RBFOX1: variants seen among roughly 807,000 people sequenced by gnomAD.
RBFOX1 encodes RNA binding fox-1 homolog 1.
Under a neutral mutation model 57.7 loss-of-function variants are expected in RBFOX1, and 8 were observed. The ratio of observed to expected loss-of-function variants is 0.14; its 90% CI spans 0.08 to 0.25. The LOEUF is 0.25. Ranked by LOEUF, RBFOX1 falls within the 10% of genes least tolerant of loss-of-function variation. The pLI is 1.00. For missense variants in RBFOX1, 611 were observed against 548.5 expected (o/e 1.11, Z -1.14); for synonymous variants, 326 against 222.4 (o/e 1.47, Z -4.15).
chr16:7,686,910 G>C (rs1013547300), intron 14 of RBFOX1, among the ~76,000 whole-genome samples: 1 of 152,076 alleles, frequency 6.6e-6, no homozygotes, highest in Non-Finnish European at 1.5e-5. Flanking sequence ...ACTTGGGTTT[G>C]AATTTCCAAA....
At chr16:6,283,475 A>G (rs2076600929) in intron 1 of RBFOX1, among the ~76,000 whole-genome samples, 1 of 152,170 alleles carries the variant, frequency 6.6e-6, no homozygotes, top group Non-Finnish European at 1.5e-5. Context: ...AAACATTAAC[A>G]ATCAGAGGCC....
At chr16:6,580,711 C>G (rs1389097068) in intron 2 of RBFOX1, among the ~76,000 whole-genome samples, 1 of 152,114 alleles carries the variant, frequency 6.6e-6, no homozygotes, top group East Asian at 1.9e-4. Flanking sequence ...CCTTACCTTT[C>G]TAGAGATGAG....
At chr16:7,243,264 C>T (rs920852440) in intron 4 of RBFOX1, among the ~76,000 whole-genome samples, 2 of 152,076 alleles carry the variant, frequency 1.3e-5, no homozygotes, top group African/African-American at 4.8e-5. Context: ...TTCTCCAAAC[C>T]AGCCTATAGG....
chr16:6,171,308 G>A (rs143116702), intron 1 of RBFOX1, among the ~76,000 whole-genome samples: 273 of 152,184 alleles, frequency 1.8e-3, no homozygotes, highest in Non-Finnish European at 3.3e-3. Context: ...TAGTCCAGCC[G>A]CACCACAACA....
In RBFOX1 at chr16:6,091,506, C is replaced by T. The variant is rs573050178; in HGVS notation, c.-127+71514C>T. 5.0e-3 allele frequency among the ~76,000 whole-genome samples: 736 copies of T among 146,596 alleles called. 3 individuals carry two copies. The highest frequency in any genetic ancestry group is 8.6e-3 in the Non-Finnish European group (579 of 67,440). ...ATTGTCACTTTATCCTTTCACTCCTCAACTGACTACATGGTAGGTATTCAA... is the reference window on the plus strand; with the variant it reads ...ATTGTCACTTTATCCTTTCACTCCTTAACTGACTACATGGTAGGTATTCAA... On this transcript the variant is annotated intron_variant, in intron 1 of 15. Transcript: ENST00000550418.
At chr16:7,452,150 C>G (rs1336523956) in intron 4 of RBFOX1, among the ~76,000 whole-genome samples, 1 of 152,190 alleles carries the variant, frequency 6.6e-6, no homozygotes, top group African/African-American at 2.4e-5. Flanking sequence ...ACTTTATGAT[C>G]CAGCCAAGTT....
intron 2 of RBFOX1, among the ~76,000 whole-genome samples, chr16:6,515,649 A>C (rs17540392): frequency 0.33 from 50,331 of 151,978 alleles, 8,997 homozygotes; most frequent in Non-Finnish European, 0.41. Context: ...CTTAAGTCTA[A>C]ATAATCTCTT....
intron 3 of RBFOX1, among the ~76,000 whole-genome samples, chr16:5,735,192 A>G (rs1029415468): frequency 6.6e-6 from 1 of 152,150 alleles, no homozygotes; most frequent in Admixed American, 6.5e-5. Flanking sequence ...CCACCTTTTA[A>G]TAGCATCCTT....
intron 2 of RBFOX1, among the ~76,000 whole-genome samples, chr16:6,627,887 A>G (rs990249260): frequency 4.6e-5 from 7 of 152,222 alleles, no homozygotes; most frequent in Non-Finnish European, 7.3e-5. Flanking sequence ...TAGACATCTT[A>G]TAAAATGGAG....
At chr16:6,959,049 C>T (rs1324131261) in intron 3 of RBFOX1, among the ~76,000 whole-genome samples, 1 of 152,024 alleles carries the variant, frequency 6.6e-6, no homozygotes, top group African/African-American at 2.4e-5. Flanking sequence ...AAAACTTCAC[C>T]ATCTAAGTAA....
chr16:7,042,856 G>A (rs375550328), intron 3 of RBFOX1, among the ~76,000 whole-genome samples: 1 of 152,188 alleles, frequency 6.6e-6, no homozygotes, highest in Non-Finnish European at 1.5e-5. Context: ...AACCTGGGAG[G>A]TGGAGGTTTC....
At chr16:6,873,102 C>G (rs962815203) in intron 3 of RBFOX1, among the ~76,000 whole-genome samples, 2 of 150,424 alleles carry the variant, frequency 1.3e-5, no homozygotes, top group African/African-American at 4.9e-5. Context: ...GTATTTCTTA[C>G]TTGAGAAACT....
intron 4 of RBFOX1, among the ~76,000 whole-genome samples, chr16:5,943,602 C>G (rs896874773): frequency 2.0e-5 from 3 of 152,096 alleles, no homozygotes; most frequent in African/African-American, 7.2e-5. Context: ...GTCAACTTGG[C>G]CAAGGTGCTT....
chr16:6,346,744 G>C (rs888855672), intron 2 of RBFOX1, among the ~76,000 whole-genome samples: 1 of 152,196 alleles, frequency 6.6e-6, no homozygotes, highest in African/African-American at 2.4e-5. Flanking sequence ...TATGATGTTG[G>C]AGCAGAGAGT....
At chr16:6,642,166 G>A (rs1010021500) in intron 2 of RBFOX1, among the ~76,000 whole-genome samples, 1 of 152,146 alleles carries the variant, frequency 6.6e-6, no homozygotes, top group South Asian at 2.1e-4. Context: ...ACAAACCCAG[G>A]CTTCCCAGGC....
chr16:6,249,448 C>T (rs907862375), intron 1 of RBFOX1, among the ~76,000 whole-genome samples: 21 of 152,038 alleles, frequency 1.4e-4, no homozygotes, highest in Non-Finnish European at 2.1e-4. Flanking sequence ...AGCTTGAACC[C>T]GGGAGGCAGA....
At chr16:7,535,691 A>G (rs1371675969) in intron 5 of RBFOX1, among the ~76,000 whole-genome samples, 2 of 152,220 alleles carry the variant, frequency 1.3e-5, no homozygotes, top group Admixed American at 6.5e-5. Flanking sequence ...TTGGCATCCC[A>G]AAATACTTAC....
At chr16:5,794,843 G>A (rs375412548) in intron 3 of RBFOX1, among the ~76,000 whole-genome samples, 2 of 152,050 alleles carry the variant, frequency 1.3e-5, no homozygotes, top group African/African-American at 2.4e-5. Flanking sequence ...TGTATTAGCC[G>A]CCAAGAGGCT....
chr16:5,469,868 G>A (rs1350504919), intron 2 of RBFOX1, among the ~76,000 whole-genome samples: 1 of 152,178 alleles, frequency 6.6e-6, no homozygotes, highest in Non-Finnish European at 1.5e-5. Context: ...TCCATTGGAA[G>A]GCAAGACCAC....
Sources: allele counts gnomAD v4.1 joint callset (sites outside exome capture counted in the v4.1 genomes callset), GRCh38; gene constraint gnomAD v4.1.1; transcripts MANE v1.5; gene names NCBI Gene and HGNC (gene_info 2026-07-23, HGNC 2026-07-21).